Variants in IL1RAPL2 observed in about 807,000 individuals in gnomAD.
The protein encoded by IL1RAPL2 is interleukin 1 receptor accessory protein like 2.
Under a neutral mutation model 44.1 loss-of-function variants are expected in IL1RAPL2, and 3 were observed. The observed-to-expected ratio is 0.07, with a 90% CI of 0.03 to 0.18. The LOEUF is 0.18. Ranked by LOEUF, IL1RAPL2 falls within the 10% of genes least tolerant of loss-of-function variation. The pLI is 1.00. For missense variants in IL1RAPL2, 391 were observed against 496.4 expected (o/e 0.79, Z 2.02); for synonymous variants, 181 against 178.8 (o/e 1.01, Z -0.10).
chrX:105,097,330 C>CAAAAAAAAAAAAAAAAAAAAAAAAAAAAA (rs201390547), intron 2 of IL1RAPL2, among the ~76,000 whole-genome samples: 1 of 43,199 alleles, frequency 2.3e-5, no homozygotes, highest in African/African-American at 1.1e-4. Context: ...CAGTGTCAGA[C>CAAAAAAAAAAAAAAAAAAAAAAAAAAAAA]AAAAAAAAAA....
At chrX:105,193,206 C>T (rs1556138298) in intron 2 of IL1RAPL2, among the ~76,000 whole-genome samples, 2 of 111,295 alleles carry the variant, frequency 1.8e-5, no homozygotes, top group Non-Finnish European at 3.8e-5. Context: ...ATTGAAATAG[C>T]ATTTCAATTT....
chrX:104,828,983 C>T (rs900150378), intron 2 of IL1RAPL2, among the ~76,000 whole-genome samples: 9 of 112,290 alleles, frequency 8.0e-5, no homozygotes, highest in African/African-American at 2.9e-4. Flanking sequence ...CTCCCCCAAC[C>T]AAGCTTGAGC....
chrX:105,008,235 A>C (rs1284392370), intron 2 of IL1RAPL2, among the ~76,000 whole-genome samples: 1 of 110,141 alleles, frequency 9.1e-6, no homozygotes, highest in East Asian at 2.9e-4. Flanking sequence ...TGCTAACTAC[A>C]CTCACTCCCA....
In IL1RAPL2 at chrX:105,015,475, TGA is replaced by T. The variant is rs1491155375; in HGVS notation, c.83-179998_83-179997del. Among the ~76,000 whole-genome samples the T allele has an allele frequency of 7.7e-4, 86 of 112,146 alleles. 1 individual carries two copies. Among genetic ancestry groups the T allele is most frequent in the African/African-American group, 2.7e-3 (84 of 30,858 alleles). On this transcript the variant is annotated intron_variant, in intron 2 of 10. Transcript: ENST00000372582. The stretch of plus-strand genomic sequence containing the variant: ...TTACATTTAAGTCTTCAATCCATCT[TGA>T]GTTAATTTTTGTATAAGGCGTAAAG...
intron 2 of IL1RAPL2, among the ~76,000 whole-genome samples, chrX:105,089,493 C>T (rs186265859): frequency 9.0e-6 from 1 of 110,729 alleles, no homozygotes; most frequent in Admixed American, 9.7e-5. Flanking sequence ...TCTTCTACGT[C>T]AATGCCCTAA....
intron 2 of IL1RAPL2, among the ~76,000 whole-genome samples, chrX:104,931,081 T>C (rs1207315539): frequency 1.8e-5 from 2 of 110,843 alleles, no homozygotes; most frequent in Admixed American, 9.7e-5. Flanking sequence ...CTGGAAGATG[T>C]TGGGCTGTAT....
intron 5 of IL1RAPL2, among the ~76,000 whole-genome samples, chrX:105,367,731 T>C (rs1056541431): frequency 4.5e-5 from 5 of 111,809 alleles, no homozygotes; most frequent in African/African-American, 1.6e-4. Flanking sequence ...TTGTTTATAA[T>C]AGTTTTATCT....
At chrX:105,127,900 A>G (rs1456289203) in intron 2 of IL1RAPL2, among the ~76,000 whole-genome samples, 2 of 111,340 alleles carry the variant, frequency 1.8e-5, no homozygotes, top group African/African-American at 6.5e-5. Context: ...ACAAATAGAA[A>G]ACAGCCAGAG....
At chrX:104,799,483 G>T (rs889265084) in intron 2 of IL1RAPL2, among the ~76,000 whole-genome samples, 8 of 111,108 alleles carry the variant, frequency 7.2e-5, no homozygotes, top group African/African-American at 2.6e-4. Flanking sequence ...CAGTGAATTT[G>T]TATTCCTGAC....
At chrX:105,212,589 G>A (rs781980619) in intron 3 of IL1RAPL2, among the ~76,000 whole-genome samples, 8 of 111,954 alleles carry the variant, frequency 7.1e-5, no homozygotes, top group Non-Finnish European at 1.3e-4. Context: ...AGCTGATCCT[G>A]ACAAGAGGGA....
At chrX:104,960,935 TCTTC>T (rs2029993071) in intron 2 of IL1RAPL2, among the ~76,000 whole-genome samples, 1 of 111,694 alleles carries the variant, frequency 9.0e-6, no homozygotes, top group Non-Finnish European at 1.9e-5. Flanking sequence ...ATGACTTGGC[TCTTC>T]CTTGACAAGT....
At position 105,670,146 on chromosome X, in the gene IL1RAPL2, T is replaced by TATATA. The variant is rs1301114173; in HGVS notation, c.773-47219_773-47218insATAAT. ...ATATATATATATATATATATATATA[T>TATATA]ATCTCCACCAGACCACACAGTCTTG... On this transcript the variant is annotated intron_variant, in intron 6 of 10. Transcript: ENST00000372582. Among the ~76,000 whole-genome samples the TATATA allele has an allele frequency of 8.1e-3, 374 of 46,316 alleles. 52 individuals are homozygous for TATATA. The highest frequency in any genetic ancestry group is 0.012 in the Non-Finnish European group (261 of 22,278). The allele number at this position is 46,316 out of a possible 115,157, so 40.2% of individuals were successfully genotyped here.
intron 2 of IL1RAPL2, among the ~76,000 whole-genome samples, chrX:104,904,827 A>C (rs1282465812): frequency 1.0e-4 from 11 of 110,016 alleles, no homozygotes; most frequent in African/African-American, 3.0e-4. Context: ...CAGTAATGGG[A>C]TGGCTGTGTC....
At chrX:104,644,941 C>G (rs1453125027) in intron 1 of IL1RAPL2, among the ~76,000 whole-genome samples, 1 of 111,756 alleles carries the variant, frequency 8.9e-6, no homozygotes, top group Non-Finnish European at 1.9e-5. Flanking sequence ...TTTTGGTTAA[C>G]AGCCTTTTTA....
intron 2 of IL1RAPL2, among the ~76,000 whole-genome samples, chrX:104,899,854 A>G (rs1923761302): frequency 8.9e-6 from 1 of 111,942 alleles, no homozygotes; most frequent in African/African-American, 3.3e-5. Flanking sequence ...AAATTAATCT[A>G]TCATCTATGT....
chrX:105,218,076 A>G (rs782143771), intron 3 of IL1RAPL2, among the ~76,000 whole-genome samples: 4 of 111,046 alleles, frequency 3.6e-5, no homozygotes, highest in African/African-American at 1.3e-4. Flanking sequence ...ACAAACCTAC[A>G]CGTTCTGCAC....
At chrX:105,118,724 G>A (rs2032888261) in intron 2 of IL1RAPL2, among the ~76,000 whole-genome samples, 1 of 112,302 alleles carries the variant, frequency 8.9e-6, no homozygotes, top group Admixed American at 9.4e-5. Flanking sequence ...TTAAATGATA[G>A]CTGACAATTC....
At chrX:105,364,811 G>A (rs865816381) in intron 5 of IL1RAPL2, among the ~76,000 whole-genome samples, 4 of 111,615 alleles carry the variant, frequency 3.6e-5, no homozygotes, top group Middle Eastern at 4.2e-3. Context: ...GGAATCTTTA[G>A]GGTTTTTCTA....
At chrX:105,059,070 G>A (rs768870466) in intron 2 of IL1RAPL2, among the ~76,000 whole-genome samples, 20 of 111,776 alleles carry the variant, frequency 1.8e-4, no homozygotes, top group African/African-American at 6.5e-4. Context: ...TCACGTCAGG[G>A]CAAATAGAAT....
Sources: gnomAD v4.1 joint callset for allele counts (sites outside exome capture counted in the v4.1 genomes callset) on GRCh38, gnomAD v4.1.1 for gene constraint, MANE v1.5 for transcripts, NCBI Gene and HGNC (gene_info 2026-07-23, HGNC 2026-07-21) for gene names.